CCSER1: variants seen among roughly 807,000 people sequenced by gnomAD.
CCSER1 encodes coiled-coil serine rich protein 1.
A neutral mutation model predicts 82.0 loss-of-function variants in CCSER1; 41 were observed. The observed-to-expected ratio is 0.50, with a 90% CI of 0.39 to 0.65. CCSER1 has a LOEUF of 0.65. Ranked by LOEUF, CCSER1 falls within the 30% of genes least tolerant of loss-of-function variation. The pLI is 0.00. For synonymous variants in CCSER1, 414 were observed against 383.9 expected (o/e 1.08, Z -0.92); for missense variants, 1,119 against 1,064.2 (o/e 1.05, Z -0.72).
intron 1 of CCSER1, among the ~76,000 whole-genome samples, chr4:90,214,493 GTAAA>G (rs1370737013): frequency 1.3e-5 from 2 of 152,180 alleles, no homozygotes; most frequent in Non-Finnish European, 2.9e-5. Context: ...AGCATAATCA[GTAAA>G]TATTGTTCAC....
chr4:91,329,690 C>A (rs1395797181), intron 10 of CCSER1, among the ~76,000 whole-genome samples: 1 of 152,150 alleles, frequency 6.6e-6, no homozygotes, highest in African/African-American at 2.4e-5. Flanking sequence ...TCTTGTGTCT[C>A]TTCTCATTAG....
At chr4:90,674,655 T>C (rs1424075937) in intron 6 of CCSER1, among the ~76,000 whole-genome samples, 1 of 151,942 alleles carries the variant, frequency 6.6e-6, no homozygotes, top group Non-Finnish European at 1.5e-5. Flanking sequence ...ATACATTCAA[T>C]CCACAGATAG....
At chr4:90,239,849 C>T (rs1167802398) in intron 1 of CCSER1, among the ~76,000 whole-genome samples, 1 of 152,072 alleles carries the variant, frequency 6.6e-6, no homozygotes, top group East Asian at 1.9e-4. Flanking sequence ...CAGATTGATT[C>T]AATACCAAGT....
chr4:90,492,570 G>T (rs1236058835), intron 5 of CCSER1, among the ~76,000 whole-genome samples: 1 of 152,120 alleles, frequency 6.6e-6, no homozygotes, highest in Non-Finnish European at 1.5e-5. Flanking sequence ...GCTTTTGAAT[G>T]TGTTTACTCT....
At chr4:91,309,435 TAGAA>T (rs893445965) in intron 10 of CCSER1, among the ~76,000 whole-genome samples, 24 of 152,118 alleles carry the variant, frequency 1.6e-4, no homozygotes, top group African/African-American at 4.8e-4. Flanking sequence ...TTTCATTAAA[TAGAA>T]AGAAAGAGAG....
intron 10 of CCSER1, among the ~76,000 whole-genome samples, chr4:91,570,076 T>C (rs1288883773): frequency 6.6e-6 from 1 of 152,024 alleles, no homozygotes; most frequent in African/African-American, 2.4e-5. Context: ...TCCAATAGGG[T>C]AGTCATCAAA....
At chr4:90,583,979 T>G (rs1253287672) in intron 5 of CCSER1, among the ~76,000 whole-genome samples, 3 of 152,122 alleles carry the variant, frequency 2.0e-5, no homozygotes, top group African/African-American at 7.2e-5. Flanking sequence ...AAGAAAAAAG[T>G]TGTATCAAGA....
chr4:91,540,804 TTTTTGGTTCACTGTA>T (rs1761551263), intron 10 of CCSER1, among the ~76,000 whole-genome samples: 1 of 152,146 alleles, frequency 6.6e-6, no homozygotes, highest in Non-Finnish European at 1.5e-5. Context: ...GAAAAGTCTA[TTTTTGGTTCACTGTA>T]TTGCCTTTGC....
At chr4:91,581,089 C>T (rs1027015243) in intron 10 of CCSER1, among the ~76,000 whole-genome samples, 2 of 151,506 alleles carry the variant, frequency 1.3e-5, no homozygotes, top group African/African-American at 4.8e-5. Flanking sequence ...CAACAGACCT[C>T]CTGGACAATT....
chr4:91,339,461 G>A lies in CCSER1; in HGVS notation c.2217+253467G>A, dbSNP rs1747551459. Among the ~76,000 whole-genome samples, 3 of 152,180 alleles carry A rather than the reference G, an allele frequency of 2.0e-5. No homozygotes were observed. In the South Asian group the frequency reaches 6.2e-4, roughly 32 times the overall value. ...ATCCGAGTTAATATGGGGGGGTAGG[G>A]CTGACTTAAGGCTGTTGGATTTAGA... On this transcript the variant is annotated intron_variant, in intron 10 of 10. Coordinates refer to ENST00000509176, the MANE Select transcript of CCSER1 (RefSeq NM_001145065.2).
intron 4 of CCSER1, among the ~76,000 whole-genome samples, chr4:90,448,953 GA>G (rs1310904296): frequency 2.0e-5 from 3 of 152,092 alleles, no homozygotes; most frequent in Non-Finnish European, 2.9e-5. Context: ...CTGGAGGGTG[GA>G]CAAGGCAAAG....
intron 3 of CCSER1, among the ~76,000 whole-genome samples, chr4:90,394,265 A>G (rs1051383980): frequency 6.6e-6 from 1 of 152,122 alleles, no homozygotes; most frequent in Non-Finnish European, 1.5e-5. Flanking sequence ...GAATATAGTT[A>G]TCTATAAGAT....
intron 6 of CCSER1, among the ~76,000 whole-genome samples, chr4:90,702,420 G>T (rs952849452): frequency 6.6e-6 from 1 of 152,104 alleles, no homozygotes; most frequent in African/African-American, 2.4e-5. Flanking sequence ...CAGGGATATT[G>T]GTCTAAAATT....
intron 7 of CCSER1, among the ~76,000 whole-genome samples, chr4:90,804,234 G>A (rs536475820): frequency 5.9e-5 from 9 of 152,074 alleles, no homozygotes; most frequent in African/African-American, 2.2e-4. Context: ...CCATTTGTCA[G>A]TTTTGGCTTT....
chr4:90,808,320 C>G (rs978951401), intron 7 of CCSER1, among the ~76,000 whole-genome samples: 1 of 152,070 alleles, frequency 6.6e-6, no homozygotes, highest in South Asian at 2.1e-4. Context: ...CGATTCTGGA[C>G]ATTGGCTTAG....
chr4:90,148,037 T>A (rs1406294528), intron 1 of CCSER1, among the ~76,000 whole-genome samples: 2 of 152,108 alleles, frequency 1.3e-5, no homozygotes, highest in Non-Finnish European at 2.9e-5. Flanking sequence ...TGGTAACGCT[T>A]GCTTGTAATC....
chr4:90,286,375 C>T (rs1043626037), intron 1 of CCSER1, among the ~76,000 whole-genome samples: 2 of 151,896 alleles, frequency 1.3e-5, no homozygotes, highest in African/African-American at 4.8e-5. Context: ...GAAAGTGAAG[C>T]AGACTATGAT....
chr4:91,096,919 G>A (rs1235532328), intron 10 of CCSER1, among the ~76,000 whole-genome samples: 1 of 152,156 alleles, frequency 6.6e-6, no homozygotes, highest in Non-Finnish European at 1.5e-5. Flanking sequence ...GGCAATTCAA[G>A]TCAAGTCAAA....
chr4:91,495,547 G>A (rs535267499), intron 10 of CCSER1, among the ~76,000 whole-genome samples: 2 of 151,294 alleles, frequency 1.3e-5, no homozygotes, highest in African/African-American at 4.8e-5. Context: ...TATGATATCA[G>A]TAAAATAGCT....
Sources: allele counts gnomAD v4.1 joint callset (sites outside exome capture counted in the v4.1 genomes callset), GRCh38; gene constraint gnomAD v4.1.1; transcripts MANE v1.5; gene names NCBI Gene and HGNC (gene_info 2026-07-23, HGNC 2026-07-21).